The following HNRNPC variants were observed in gnomAD, a reference collection of about 807,000 sequenced individuals.
HNRNPC encodes heterogeneous nuclear ribonucleoproteins C1/C2.
A neutral mutation model predicts 33.2 loss-of-function variants in HNRNPC; 3 were observed. That is an observed-to-expected ratio of 0.09 (90% CI 0.04 to 0.23). HNRNPC has a LOEUF of 0.23. Among genes scored for constraint, HNRNPC ranks in the 10% least tolerant of loss-of-function variants. The probability of loss-of-function intolerance (pLI) is 1.00; values close to 1 mark genes in which losing one functional copy is unlikely to be tolerated. For synonymous variants in HNRNPC, 121 were observed against 126.7 expected, an observed-to-expected ratio of 0.96 and a Z score of 0.30; for missense variants, 143 against 366.7, an observed-to-expected ratio of 0.39 and a Z score of 4.98.
chr14:21,251,432 A>G (rs1896661396), intron 2 of HNRNPC, among the ~76,000 whole-genome samples: 1 of 151,914 alleles, frequency 6.6e-6, no homozygotes. Flanking sequence ...TACTCCCAAC[A>G]CTTTGGGAGG....
At chr14:21,231,164 T>C (rs1460581261) in intron 3 of HNRNPC, 92 bp from the exon 4 acceptor site, 1 of 1,260,216 alleles carries the variant, frequency 7.9e-7, no homozygotes, top group Non-Finnish European at 1.1e-6. Context: ...AGACATAGTT[T>C]CGCTTTCTCG....
intron 5 of HNRNPC, among the ~76,000 whole-genome samples, chr14:21,220,795 T>C (rs1892742489): frequency 6.6e-6 from 1 of 151,688 alleles, no homozygotes; most frequent in Admixed American, 6.6e-5. Context: ...TATCATACTT[T>C]ACCAAAAAAT....
In HNRNPC at chr14:21,231,792, C is replaced by CA. The variant is rs1478444066; in HGVS notation, c.242-721dup. ...CCATTCAAGGTACTGACTGTTCACT[C>CA]AGTTACTATTACAAGAGAAAACTAT... On this transcript the variant is annotated intron_variant, in intron 3 of 8. Transcript: ENST00000553300. Among the ~76,000 whole-genome samples, 4 of 152,326 alleles carry CA rather than the reference C, an allele frequency of 2.6e-5. No individual in the cohort carries two copies. The East Asian group carries it at 7.7e-4, about 29-fold the overall frequency.
chr14:21,245,427 G>A (rs186710122), intron 2 of HNRNPC, among the ~76,000 whole-genome samples: 1 of 152,232 alleles, frequency 6.6e-6, no homozygotes, highest in African/African-American at 2.4e-5. Context: ...AACCCGGGGG[G>A]TGGAGGTTGC....
At chr14:21,242,957 TCTA>T (rs1292675713) in intron 2 of HNRNPC, among the ~76,000 whole-genome samples, 2 of 152,124 alleles carry the variant, frequency 1.3e-5, no homozygotes, top group Non-Finnish European at 2.9e-5. Context: ...AAACCCCATC[TCTA>T]CTAACAATAC....
chr14:21,215,886 A>C (rs1260514881), intron 5 of HNRNPC, among the ~76,000 whole-genome samples: 3 of 146,532 alleles, frequency 2.0e-5, no homozygotes, highest in African/African-American at 7.8e-5. Context: ...GTGACAGAGC[A>C]AGACTCCGTC....
At chr14:21,245,155 T>C (rs1050032073) in intron 2 of HNRNPC, among the ~76,000 whole-genome samples, 7 of 151,056 alleles carry the variant, frequency 4.6e-5, no homozygotes, top group Non-Finnish European at 5.9e-5. Flanking sequence ...CAATATTATT[T>C]GTGTACTTCA....
At chr14:21,218,767 A>C (rs1395417456) in intron 5 of HNRNPC, among the ~76,000 whole-genome samples, 1 of 149,856 alleles carries the variant, frequency 6.7e-6, no homozygotes, top group Non-Finnish European at 1.5e-5. Flanking sequence ...TGGAAGGCCA[A>C]GGCAGGCAGA....
chr14:21,213,496 AACAATTCACAT>A (rs1465450477), intron 5 of HNRNPC: 2 of 179,434 alleles, frequency 1.1e-5, no homozygotes, highest in African/African-American at 4.8e-5. Flanking sequence ...CATTACAATA[AACAATTCACAT>A]ACGGTCAAAT....
intron 5 of HNRNPC, among the ~76,000 whole-genome samples, chr14:21,214,310 A>G (rs974904197): frequency 6.6e-5 from 10 of 152,222 alleles, no homozygotes; most frequent in African/African-American, 2.4e-4. Flanking sequence ...GTGGCAAGTT[A>G]TTCTGAGTTG....
Position 21,210,049 on chromosome 14 carries a change from A to G in HNRNPC, c.*1174T>C, listed in dbSNP as rs1300015666. 6.6e-6 allele frequency: 1 copy of G among 152,204 alleles called. No homozygotes were observed. Among genetic ancestry groups the G allele is most frequent in the African/African-American group, 2.4e-5 (1 of 41,442 alleles). The allele number at this position is 152,204 out of a possible 1,614,324, so 9.4% of individuals were successfully genotyped here. The stretch of plus-strand genomic sequence containing the variant: ...GCAGTCTATGGAATATCAGGAAGTA[A>G]GAGTTTTCTTGTTTTCAGGAACATG... On this transcript the variant is annotated 3_prime_UTR_variant, in exon 9 of 9. Coordinates refer to ENST00000553300, the MANE Select transcript of HNRNPC (RefSeq NM_004500.4).
chr14:21,259,073 T>C (rs563266958), intron 2 of HNRNPC, among the ~76,000 whole-genome samples: 1 of 152,336 alleles, frequency 6.6e-6, no homozygotes, highest in South Asian at 2.1e-4. Flanking sequence ...TATGAAATGT[T>C]TGGTCCTTGC....
At chr14:21,248,967 G>A (rs1372684273) in intron 2 of HNRNPC, among the ~76,000 whole-genome samples, 1 of 152,206 alleles carries the variant, frequency 6.6e-6, no homozygotes, top group Non-Finnish European at 1.5e-5. Flanking sequence ...CCAATGGAAT[G>A]CAATTTAAAT....
intron 3 of HNRNPC, 43 bp from the exon 4 acceptor site, chr14:21,231,115 G>C (rs773116615): frequency 6.4e-7 from 1 of 1,553,610 alleles, no homozygotes; most frequent in East Asian, 2.2e-5. Flanking sequence ...CTTTGTATCC[G>C]GGTAAAACAA....
chr14:21,223,844 TG>T (rs1893124038), intron 5 of HNRNPC, among the ~76,000 whole-genome samples: 1 of 152,146 alleles, frequency 6.6e-6, no homozygotes, highest in African/African-American at 2.4e-5. Flanking sequence ...GGCACCTATA[TG>T]TATGATACAC....
chr14:21,268,314 A>G (rs1442644835), intron 1 of HNRNPC, among the ~76,000 whole-genome samples: 3 of 152,210 alleles, frequency 2.0e-5, no homozygotes. Context: ...GAATATCCCG[A>G]AAGTCAAATT....
intron 2 of HNRNPC, among the ~76,000 whole-genome samples, chr14:21,237,552 CA>C (rs1206563650): frequency 6.6e-6 from 1 of 152,216 alleles, no homozygotes; most frequent in Non-Finnish European, 1.5e-5. Flanking sequence ...CCTCGTCCTA[CA>C]AGTGGCAATA....
Position 21,234,372 on chromosome 14 carries a change from A to G in HNRNPC, c.-36-143T>C, listed in dbSNP as rs549829099. On this transcript the variant is annotated intron_variant, in intron 2 of 8. Coordinates refer to ENST00000553300, the MANE Select transcript of HNRNPC (RefSeq NM_004500.4). ...AAGGGACTCACAGCATTAAGTATGTATTTGCTAATAATTTCAGAGACTCCA... is the reference window on the plus strand; with the variant it reads ...AAGGGACTCACAGCATTAAGTATGTGTTTGCTAATAATTTCAGAGACTCCA... The G allele has an allele frequency of 2.1e-4, 130 of 613,586 alleles. No homozygotes were observed. The South Asian group carries it at 3.1e-3, about 15-fold the overall frequency. 38.0% of individuals were successfully genotyped at this position (613,586 alleles called of 1,614,324 possible).
chr14:21,227,954 T>C (rs1266623347), intron 5 of HNRNPC, among the ~76,000 whole-genome samples: 1 of 152,072 alleles, frequency 6.6e-6, no homozygotes, highest in African/African-American at 2.4e-5. Context: ...CACAACCACG[T>C]CCTTAATCTT....
Sources: allele counts gnomAD v4.1 joint callset (sites outside exome capture counted in the v4.1 genomes callset), GRCh38; gene constraint gnomAD v4.1.1; transcripts MANE v1.5; gene names NCBI Gene and HGNC (gene_info 2026-07-23, HGNC 2026-07-21).